Variants in RBFOX3 observed in about 807,000 individuals in gnomAD.
The protein encoded by RBFOX3 is RNA binding protein fox-1 homolog 3.
RBFOX3 carries 17 observed loss-of-function variants against 48.7 expected under a neutral mutation model. The ratio of observed to expected loss-of-function variants is 0.35; its 90% CI spans 0.24 to 0.52. The LOEUF (loss-of-function observed/expected upper bound fraction) is 0.52. RBFOX3 is among the 20% of genes least tolerant of loss of function. The pLI is 0.94. For missense variants in RBFOX3, 382 were observed against 497.5 expected (o/e 0.77, Z 2.21); for synonymous variants, 212 against 209.5 (o/e 1.01, Z -0.10).
intron 4 of RBFOX3, among the ~76,000 whole-genome samples, chr17:79,211,988 G>A (rs12952821): frequency 0.019 from 2,857 of 152,276 alleles, 50 homozygotes; most frequent in Non-Finnish European, 0.027. Context: ...GCGGGCCCAG[G>A]AGGTTGTGGC....
intron 4 of RBFOX3, among the ~76,000 whole-genome samples, chr17:79,118,135 C>A (rs921790393): frequency 5.3e-5 from 8 of 152,050 alleles, no homozygotes; most frequent in African/African-American, 1.9e-4. Flanking sequence ...CAGCGGGGGC[C>A]GTCTCGGTGC....
At chr17:79,266,797 C>G (rs993192266) in intron 3 of RBFOX3, among the ~76,000 whole-genome samples, 2 of 152,182 alleles carry the variant, frequency 1.3e-5, no homozygotes, top group Non-Finnish European at 2.9e-5. Context: ...GGAGAAAGCT[C>G]TGGGCCCCTA....
intron 2 of RBFOX3, among the ~76,000 whole-genome samples, chr17:79,428,555 G>T (rs2067825176): frequency 6.6e-6 from 1 of 152,224 alleles, no homozygotes; most frequent in South Asian, 2.1e-4. Context: ...TGACCCACGG[G>T]CCTTCCTGCT....
chr17:79,321,152 A>C (rs1232960881), intron 2 of RBFOX3, among the ~76,000 whole-genome samples: 1 of 152,180 alleles, frequency 6.6e-6, no homozygotes, highest in Non-Finnish European at 1.5e-5. Flanking sequence ...CACAGGTCAG[A>C]TGAGAACTGC....
rs761163745 is a variant in RBFOX3 at position 79,198,511 on chromosome 17, G to A, written c.-34+37255C>T. Among the ~76,000 whole-genome samples, 3 of 152,228 alleles carry A rather than the reference G, an allele frequency of 2.0e-5. No individual in the cohort carries two copies. Among genetic ancestry groups the A allele is most frequent in the Non-Finnish European group, 4.4e-5 (3 of 68,036 alleles). On this transcript the variant is annotated intron_variant, in intron 4 of 14. Coordinates refer to ENST00000693108, the MANE Select transcript of RBFOX3 (RefSeq NM_001350451.2). This position sits in a 1 kb window ranked among gnomAD's most constrained non-coding sequence, Gnocchi z 8.2. ...CCTGTGGGACAGATGGGTACAGCTGGAGACTGAGGCTTGGAGAAGTTCACA... is the reference window on the plus strand; with the variant it reads ...CCTGTGGGACAGATGGGTACAGCTGAAGACTGAGGCTTGGAGAAGTTCACA...
At chr17:79,341,366 CT>C (rs1258993775) in intron 2 of RBFOX3, among the ~76,000 whole-genome samples, 1 of 152,206 alleles carries the variant, frequency 6.6e-6, no homozygotes, top group Non-Finnish European at 1.5e-5. Context: ...TTGCAGCCTC[CT>C]TTTTTACTTC....
intron 1 of RBFOX3, among the ~76,000 whole-genome samples, chr17:79,519,821 G>A (rs1430121868): frequency 6.6e-6 from 1 of 152,116 alleles, no homozygotes; most frequent in African/African-American, 2.4e-5. Flanking sequence ...AGCGTCCCTG[G>A]CTGGCAACAC....
At chr17:79,268,810 T>C (rs537719060) in intron 3 of RBFOX3, among the ~76,000 whole-genome samples, 4 of 152,298 alleles carry the variant, frequency 2.6e-5, no homozygotes, top group Admixed American at 2.0e-4. Flanking sequence ...TGCCACCCTC[T>C]TTCCTCTTTC....
At chr17:79,117,100 C>T (rs984318963) in intron 4 of RBFOX3, among the ~76,000 whole-genome samples, 1 of 152,186 alleles carries the variant, frequency 6.6e-6, no homozygotes, top group African/African-American at 2.4e-5. Context: ...CTCCGGCCTC[C>T]TCCACTCGCT....
intron 3 of RBFOX3, among the ~76,000 whole-genome samples, chr17:79,286,372 A>T (rs74771486): frequency 0.03 from 4,617 of 152,152 alleles, 114 homozygotes; most frequent in East Asian, 0.068. Context: ...TCTGCCCCAG[A>T]AGTATAGAGA....
At chr17:79,566,558 A>G (rs1235291269) in intron 1 of RBFOX3, among the ~76,000 whole-genome samples, 2 of 152,224 alleles carry the variant, frequency 1.3e-5, no homozygotes, top group Non-Finnish European at 2.9e-5. Flanking sequence ...CCAGAACCCC[A>G]GTCCTTCCAT....
At chr17:79,664,158 C>A in the RBFOX3 span, among the ~76,000 whole-genome samples, 7 of 145,102 alleles carry the variant, frequency 4.8e-5, no homozygotes, top group African/African-American at 1.8e-4. Flanking sequence ...TAAAACACAA[C>A]GTTAAATTTA....
intron 1 of RBFOX3, among the ~76,000 whole-genome samples, chr17:79,559,621 A>ATGGTGAATAG (rs2092046797): frequency 6.3e-5 from 2 of 31,622 alleles, no homozygotes; most frequent in Non-Finnish European, 1.0e-4. Context: ...AGGTAGATGG[A>ATGGTGAATAG]TGGATGGGTG....
chr17:79,138,473 A>C (rs978928590), intron 4 of RBFOX3, among the ~76,000 whole-genome samples: 32 of 151,990 alleles, frequency 2.1e-4, no homozygotes, highest in African/African-American at 7.5e-4. Context: ...CATACACACC[A>C]TGTCACAGTC....
intron 1 of RBFOX3, among the ~76,000 whole-genome samples, chr17:79,565,750 C>T (rs2092431158): frequency 4.6e-5 from 7 of 152,140 alleles, no homozygotes; most frequent in Non-Finnish European, 1.0e-4. Context: ...TGGCAGTGCC[C>T]TATCTGAGAA....
the RBFOX3 span, among the ~76,000 whole-genome samples, chr17:79,619,981 G>A: frequency 6.6e-5 from 10 of 152,116 alleles, no homozygotes; most frequent in Admixed American, 1.3e-4. Context: ...AACCACACGC[G>A]CACACACGCA....
intron 1 of RBFOX3, among the ~76,000 whole-genome samples, chr17:79,539,429 C>T (rs1439691915): frequency 2.0e-5 from 3 of 152,168 alleles, no homozygotes; most frequent in Non-Finnish European, 4.4e-5. Flanking sequence ...TCTGTCAATA[C>T]TTTTGACTTT....
At chr17:79,172,875 A>G (rs1431044550) in intron 4 of RBFOX3, among the ~76,000 whole-genome samples, 1 of 152,238 alleles carries the variant, frequency 6.6e-6, no homozygotes, top group Non-Finnish European at 1.5e-5. Context: ...AACAAAATGT[A>G]TGATTGAAAT....
intron 1 of RBFOX3, among the ~76,000 whole-genome samples, chr17:79,597,655 C>A (rs2093601874): frequency 6.6e-6 from 1 of 152,238 alleles, no homozygotes; most frequent in African/African-American, 2.4e-5. Context: ...AAGGTACCGC[C>A]TGATTTCAGC....
Sources: gnomAD v4.1 joint callset for allele counts (sites outside exome capture counted in the v4.1 genomes callset) on GRCh38, gnomAD v4.1.1 for gene constraint, Gnocchi (gnomAD v3.1) non-coding constraint, MANE v1.5 for transcripts, NCBI Gene and HGNC (gene_info 2026-07-23, HGNC 2026-07-21) for gene names.